Variants in APOM observed in about 807,000 individuals in gnomAD.
The protein encoded by APOM is apolipoprotein M, also known as NG20-like protein.
A neutral mutation model predicts 23.5 loss-of-function variants in APOM; 24 were observed. The ratio of observed to expected loss-of-function variants is 1.02; its 90% CI spans 0.74 to 1.44. The LOEUF (loss-of-function observed/expected upper bound fraction) is 1.44, where lower values mean the gene tolerates loss of function less well. Among genes scored for constraint, APOM ranks in the 40% most tolerant of loss-of-function variants. The pLI is 0.00. For missense variants in APOM, 200 were observed against 233.2 expected (o/e 0.86, Z 0.93); for synonymous variants, 82 against 84.1 (o/e 0.97, Z 0.14).
chr6:31,657,883 G>T (rs762184594), intron 5 of APOM, 160 bp downstream of exon 5: 441 of 946,232 alleles, frequency 4.7e-4, no homozygotes, highest in Admixed American at 7.2e-4. Context: ...CAAAAGAGAG[G>T]TTTCTGAGTT....
rs1800334916 is a variant in APOM at position 31,658,066 on chromosome 6, G to A, written c.544G>A (p.Ala182Thr). The change falls in exon 6 of 6, where the codon GCC (alanine) becomes ACC (threonine). Residue 182 changes from alanine (A) to threonine (T), a missense_variant and splice_region_variant. Ala to Thr is a moderately conservative substitution (Grantham distance 58). Coordinates refer to ENST00000375916, the MANE Select transcript of APOM (RefSeq NM_019101.3). ...CTTTTTCCCTCCCCCCATCACAGAG[G>A]CCTGTGAGCTGTCCAATAACTGACC... The part of the protein sequence containing the change: ...AFLLTPRNQE[A>T]CELSNN 1.9e-6 allele frequency: 3 copies of A among 1,614,008 alleles called. No individual in the cohort carries two copies. Among genetic ancestry groups the A allele is most frequent in the East Asian group, 2.2e-5 (1 of 44,864 alleles).
Position 31,657,938 on chromosome 6 carries a change from A to G in APOM, c.542-126A>G. The G allele has an allele frequency of 2.8e-6, 3 of 1,080,090 alleles. No individual in the cohort carries two copies. The South Asian group carries it at 4.0e-5, about 14-fold the overall frequency. The allele number at this position is 1,080,090 out of a possible 1,614,324, so 66.9% of individuals were successfully genotyped here. ...AGAGGGTCATACGTGGAGGGAAAAG[A>G]GCCTTAGAGACTCCCCTTTGACACA... On this transcript the variant is annotated intron_variant, in intron 5 of 5. Transcript: ENST00000375916.
chr6:31,653,806 C>G (rs1799453152), upstream of APOM, among the ~76,000 whole-genome samples: 1 of 152,080 alleles, frequency 6.6e-6, no homozygotes, highest in Admixed American at 6.6e-5. Flanking sequence ...CTCAGCCTCC[C>G]TAGTAGGGAC....
chr6:31,653,329 C>T (rs1454933265), upstream of APOM, among the ~76,000 whole-genome samples: 1 of 152,158 alleles, frequency 6.6e-6, no homozygotes, highest in Non-Finnish European at 1.5e-5. Context: ...CCTCTCCGTG[C>T]CCTCTTCTCT....
At chr6:31,653,446 C>G (rs1799239019), upstream of APOM, among the ~76,000 whole-genome samples, 1 of 152,222 alleles carries the variant, frequency 6.6e-6, no homozygotes, top group African/African-American at 2.4e-5. Flanking sequence ...AGTTTATACC[C>G]AGGTCCTGGT....
At chr6:31,653,098 T>TG (rs1799013279), upstream of APOM, among the ~76,000 whole-genome samples, 1 of 152,160 alleles carries the variant, frequency 6.6e-6, no homozygotes, top group Non-Finnish European at 1.5e-5. Context: ...TTAAGGGCTG[T>TG]GGGCGTCACA....
At chr6:31,653,518 A>G (rs1799276405), upstream of APOM, among the ~76,000 whole-genome samples, 2 of 152,198 alleles carry the variant, frequency 1.3e-5, no homozygotes, top group African/African-American at 4.8e-5. Flanking sequence ...CAGCCCATAT[A>G]CTACGGGTTT....
chr6:31,653,020 GC>G (rs1485825091), upstream of APOM, among the ~76,000 whole-genome samples: 4 of 152,148 alleles, frequency 2.6e-5, no homozygotes, highest in Admixed American at 6.5e-5. Context: ...GCGTTTGGGG[GC>G]GGCACTGGTC....
At chr6:31,656,698 A>G in intron 2 of APOM, 72 bp downstream of exon 2, 1 of 1,557,778 alleles carries the variant, frequency 6.4e-7, no homozygotes, top group Non-Finnish European at 8.7e-7. Flanking sequence ...ACCCACCAAG[A>G]GCTGGCCTCT....
intron 1 of APOM, 143 bp from the exon 2 acceptor site, chr6:31,656,327 CTT>C (rs978421754): frequency 3.1e-5 from 30 of 962,536 alleles, no homozygotes; most frequent in Middle Eastern, 4.6e-4. Flanking sequence ...TTTAATGACT[CTT>C]TGTCATGGAT....
upstream of APOM, among the ~76,000 whole-genome samples, chr6:31,653,091 A>G (rs1022014884): frequency 6.6e-6 from 1 of 152,026 alleles, no homozygotes; most frequent in Non-Finnish European, 1.5e-5. Flanking sequence ...GGGCGTTTTA[A>G]GGGCTGTGGG....
Position 31,657,442 on chromosome 6 carries a change from G to A in APOM, c.406G>A (p.Glu136Lys), listed in dbSNP as rs772274791. 8 of 1,612,836 alleles carry A rather than the reference G, an allele frequency of 5.0e-6. No homozygotes were observed. The African/African-American group carries it at 5.3e-5, about 11-fold the overall frequency. ...SSCPGGIMLN[E>K]TGQGYQRFLL... ...ATGCCCAGGTGGAATCATGCTGAATGAGACAGGCCAGGGTTACCAGCGCTT... is the reference window on the plus strand; with the variant it reads ...ATGCCCAGGTGGAATCATGCTGAATAAGACAGGCCAGGGTTACCAGCGCTT... The change falls in exon 4 of 6, where the codon GAG (glutamate) becomes AAG (lysine). Residue 136 changes from glutamate to lysine, a missense_variant. By Grantham distance (56) the Glu-to-Lys change is moderately conservative. Transcript: ENST00000375916.
intron 1 of APOM, 140 bp from the exon 2 acceptor site, chr6:31,656,324 ACTCTTTGT>A: frequency 1.1e-6 from 1 of 928,506 alleles, no homozygotes; most frequent in Admixed American, 2.6e-5. Context: ...TCATTTAATG[ACTCTTTGT>A]CATGGATCCA....
At chr6:31,653,020 G>T (rs1187676927), upstream of APOM, among the ~76,000 whole-genome samples, 1 of 152,148 alleles carries the variant, frequency 6.6e-6, no homozygotes, top group Admixed American at 6.5e-5. Flanking sequence ...GCGTTTGGGG[G>T]CGGCACTGGT....
At chr6:31,653,116 G>A (rs774769353), upstream of APOM, among the ~76,000 whole-genome samples, 34 of 152,282 alleles carry the variant, frequency 2.2e-4, no homozygotes, top group Middle Eastern at 0.014. Context: ...ACATTCGTCG[G>A]TGTGTGGCCA....
At chr6:31,656,331 G>A (rs925596689) in intron 1 of APOM, 141 bp from the exon 2 acceptor site, 10 of 984,508 alleles carry the variant, frequency 1.0e-5, no homozygotes, top group African/African-American at 1.6e-5. Flanking sequence ...ATGACTCTTT[G>A]TCATGGATCC....
intron 1 of APOM, 85 bp from the exon 2 acceptor site, chr6:31,656,387 A>C (rs1800059300): frequency 7.0e-7 from 1 of 1,431,258 alleles, no homozygotes; most frequent in African/African-American, 1.4e-5. Context: ...TCTACCCCTA[A>C]ATCTTGCTGT....
At chr6:31,655,816 T>C, upstream of APOM, 1 of 604,110 alleles carries the variant, frequency 1.7e-6, no homozygotes. Context: ...GTAATCCAGG[T>C]TTGGGTTGGA....
Position 31,656,567 on chromosome 6 carries a change from C to T in APOM, c.210C>T (p.Val70=). The T allele has an allele frequency of 6.2e-7, 1 of 1,614,174 alleles. No individual in the cohort carries two copies. The highest frequency in any genetic ancestry group is 8.5e-7 in the Non-Finnish European group (1 of 1,180,040). Reference sequence around the variant, plus strand: ...CTTTTGACCCTGTGGACAACATTGTCTTCAATATGGCTGCTGGCTCTGCCC... The same window carrying T: ...CTTTTGACCCTGTGGACAACATTGTTTTCAATATGGCTGCTGGCTCTGCCC... ...LATFDPVDNI[V]FNMAAGSAPM... Residue 70 remains valine (V), a synonymous_variant, in exon 2 of 6, where the codon GTC becomes GTT. Transcript: ENST00000375916.
Sources: gnomAD v4.1 joint callset for allele counts (sites outside exome capture counted in the v4.1 genomes callset) on GRCh38, gnomAD v4.1.1 for gene constraint, MANE v1.5 for transcripts, NCBI Gene and HGNC (gene_info 2026-07-23, HGNC 2026-07-21) for gene names.